MRTFA: variants seen among roughly 807,000 people sequenced by gnomAD.
The protein encoded by MRTFA is myocardin related transcription factor A.
Under a neutral mutation model 83.5 loss-of-function variants are expected in MRTFA, and 20 were observed. The observed-to-expected ratio is 0.24, with a 90% CI of 0.17 to 0.35. The LOEUF is 0.35. Among genes scored for constraint, MRTFA ranks in the 10% least tolerant of loss-of-function variants. The pLI is 1.00. For synonymous variants in MRTFA, 659 were observed against 541.2 expected (o/e 1.22, Z -3.02); for missense variants, 1,200 against 1,224.7 (o/e 0.98, Z 0.30).
At chr22:40,549,419 ACAATT>A (rs1478628986) in intron 3 of MRTFA, among the ~76,000 whole-genome samples, 1 of 152,232 alleles carries the variant, frequency 6.6e-6, no homozygotes, top group Non-Finnish European at 1.5e-5. Context: ...TCTAGCACAC[ACAATT>A]CAACATAAAC....
chr22:40,604,285 C>T (rs1049731672), intron 1 of MRTFA, among the ~76,000 whole-genome samples: 6 of 151,970 alleles, frequency 3.9e-5, no homozygotes, highest in Non-Finnish European at 7.4e-5. Flanking sequence ...CGCCCGCCAC[C>T]ACACCTGACT....
chr22:40,496,374 G>C (rs900726695), intron 3 of MRTFA, among the ~76,000 whole-genome samples: 4 of 144,388 alleles, frequency 2.8e-5, no homozygotes, highest in Non-Finnish European at 6.1e-5. Flanking sequence ...GCACAGGAGA[G>C]AGTAGAAGCA....
intron 4 of MRTFA, among the ~76,000 whole-genome samples, chr22:40,443,692 C>G (rs61675795): frequency 1.3e-5 from 2 of 152,208 alleles, no homozygotes; most frequent in South Asian, 2.1e-4. Flanking sequence ...CCCACCTCCC[C>G]CTAAAGGCCA....
chr22:40,441,284 G>T (rs888658877), intron 4 of MRTFA, among the ~76,000 whole-genome samples: 2 of 152,194 alleles, frequency 1.3e-5, no homozygotes, highest in Non-Finnish European at 2.9e-5. Flanking sequence ...AAGTGGCCAA[G>T]AGGTGTGCCA....
intron 3 of MRTFA, among the ~76,000 whole-genome samples, chr22:40,482,120 C>T (rs1403449653): frequency 6.6e-6 from 1 of 151,686 alleles, no homozygotes; most frequent in Non-Finnish European, 1.5e-5. Flanking sequence ...TGTGTTGTCA[C>T]TGGGTAGAAG....
chr22:40,553,191 T>G (rs1219244270), intron 2 of MRTFA, among the ~76,000 whole-genome samples: 2 of 152,224 alleles, frequency 1.3e-5, no homozygotes, highest in Non-Finnish European at 2.9e-5. Flanking sequence ...CATAAAAGTT[T>G]AGAAAATCTG....
chr22:40,440,151 C>CAAAA lies in MRTFA; in HGVS notation c.308-4601_308-4598dup, dbSNP rs376161982. On this transcript the variant is annotated intron_variant, in intron 4 of 14. Coordinates refer to ENST00000355630, the MANE Select transcript of MRTFA (RefSeq NM_020831.6). ...TGGGTGACAGAGTGAGACTCCGTCT[C>CAAAA]AAAAAAAAAAAAAAAAAAAAGAATT... Among the ~76,000 whole-genome samples the CAAAA allele has an allele frequency of 7.9e-3, 556 of 70,690 alleles. 3 individuals carry two copies. The highest frequency in any genetic ancestry group is 0.028 in the African/African-American group (518 of 18,694). The allele number at this position is 70,690 out of a possible 152,430, so 46.4% of individuals were successfully genotyped here. A position where few individuals can be genotyped will look rare whatever the true frequency, so the allele number is the denominator to read the frequency against.
At chr22:40,431,279 G>GCT (rs1430503773) in intron 6 of MRTFA, 126 bp downstream of exon 6, 37 of 863,120 alleles carry the variant, frequency 4.3e-5, no homozygotes, top group African/African-American at 4.1e-4. Flanking sequence ...CGGTGTTAAG[G>GCT]CTCTGGCTTA....
chr22:40,452,834 G>A (rs1026307122), intron 4 of MRTFA, among the ~76,000 whole-genome samples: 6 of 149,566 alleles, frequency 4.0e-5, no homozygotes, highest in African/African-American at 1.5e-4. Flanking sequence ...AAATGATGAC[G>A]ACTACTTTTT....
intron 2 of MRTFA, chr22:40,587,660 C>T: frequency 3.1e-6 from 1 of 319,758 alleles, no homozygotes; most frequent in Non-Finnish European, 6.2e-6. Flanking sequence ...TGTGTTCACT[C>T]TACAGTGCCA....
intron 14 of MRTFA, among the ~76,000 whole-genome samples, chr22:40,413,444 A>G (rs867155989): frequency 5.9e-5 from 9 of 151,614 alleles, no homozygotes; most frequent in African/African-American, 1.9e-4. Flanking sequence ...TTTTCAAGCA[A>G]TTCTCCTGCC....
At chr22:40,614,083 T>C (rs1298213965) in intron 1 of MRTFA, among the ~76,000 whole-genome samples, 2 of 151,662 alleles carry the variant, frequency 1.3e-5, no homozygotes, top group Non-Finnish European at 2.9e-5. Flanking sequence ...ATGCCTGTAA[T>C]CCCAGCTACT....
intron 3 of MRTFA, among the ~76,000 whole-genome samples, chr22:40,537,016 G>GA (rs1329369212): frequency 0.14 from 10,164 of 74,696 alleles, 893 homozygotes; most frequent in African/African-American, 0.24. Flanking sequence ...GGGAGGTGGG[G>GA]GGGGGTCAGC....
At chr22:40,519,508 T>C (rs2054824357) in intron 3 of MRTFA, 1 of 1,348,444 alleles carries the variant, frequency 7.4e-7, no homozygotes, top group South Asian at 1.2e-5. Context: ...CCTTCAGGAG[T>C]CATTTTAACT....
intron 1 of MRTFA, among the ~76,000 whole-genome samples, chr22:40,634,562 T>C (rs2056674749): frequency 6.6e-6 from 1 of 152,206 alleles, no homozygotes; most frequent in Non-Finnish European, 1.5e-5. Flanking sequence ...TTCAGCGCGT[T>C]ACAATCATCT....
At chr22:40,440,885 T>A (rs192172500) in intron 4 of MRTFA, among the ~76,000 whole-genome samples, 17 of 152,076 alleles carry the variant, frequency 1.1e-4, no homozygotes, top group African/African-American at 3.9e-4. Context: ...CTCTGCCAAT[T>A]GAAGAAAAAA....
chr22:40,468,173 T>G (rs1438369132), intron 3 of MRTFA, among the ~76,000 whole-genome samples: 2 of 152,098 alleles, frequency 1.3e-5, no homozygotes, highest in Non-Finnish European at 2.9e-5. Context: ...GTTGATAGGA[T>G]TCGAGGGGTA....
Position 40,621,047 on chromosome 22 carries a change from G to A in MRTFA, c.-84+15431C>T, listed in dbSNP as rs2056516935. ...ATACAAAAAATGAGCCAAGTCTGGT[G>A]GTGCATGCCTGTAGCCCCAGCTACT... is the stretch of plus-strand genomic sequence containing the variant. On this transcript the variant is annotated intron_variant, in intron 1 of 14. Transcript: ENST00000355630. Among the ~76,000 whole-genome samples, 4 of 151,912 alleles carry A rather than the reference G, an allele frequency of 2.6e-5. No homozygotes were observed. The South Asian group carries it at 8.3e-4, about 32-fold the overall frequency.
chr22:40,455,336 T>C (rs926592514), intron 4 of MRTFA, among the ~76,000 whole-genome samples: 1 of 151,960 alleles, frequency 6.6e-6, no homozygotes, highest in African/African-American at 2.4e-5. Context: ...TTCTTTTGAA[T>C]TCATAACTTG....
Sources: gnomAD v4.1 joint callset for allele counts (sites outside exome capture counted in the v4.1 genomes callset) on GRCh38, gnomAD v4.1.1 for gene constraint, MANE v1.5 for transcripts, NCBI Gene and HGNC (gene_info 2026-07-23, HGNC 2026-07-21) for gene names.